The following CHD2 variants were observed in gnomAD, a reference collection of about 807,000 sequenced individuals.
CHD2 encodes the protein ATP-dependent chromatin remodeler CHD2.
Under a neutral mutation model 243.9 loss-of-function variants are expected in CHD2, and 28 were observed. That is an observed-to-expected ratio of 0.11 (90% confidence interval 0.09 to 0.16). The LOEUF (loss-of-function observed/expected upper bound fraction) is 0.16, where lower values mean the gene tolerates loss of function less well. CHD2 is among the 10% of genes least tolerant of loss of function. The probability of loss-of-function intolerance (pLI) is 1.00; values close to 1 mark genes in which losing one functional copy is unlikely to be tolerated. For missense variants in CHD2, 1,386 were observed against 2,209.8 expected, an observed-to-expected ratio of 0.63 and a Z score of 7.47; for synonymous variants, 775 against 779.0, an observed-to-expected ratio of 0.99 and a Z score of 0.09.
chr15:92,938,189 T>C (rs1175564570), intron 6 of CHD2, among the ~76,000 whole-genome samples: 1 of 152,152 alleles, frequency 6.6e-6, no homozygotes, highest in African/African-American at 2.4e-5. Flanking sequence ...CACCACCTAT[T>C]TTCATATGGC....
intron 2 of CHD2, among the ~76,000 whole-genome samples, chr15:92,910,473 AC>A (rs1432287492): frequency 6.6e-6 from 1 of 151,742 alleles, no homozygotes; most frequent in East Asian, 1.9e-4. Context: ...GCTCATTGCA[AC>A]CTCCGCCTCC....
intron 2 of CHD2, among the ~76,000 whole-genome samples, chr15:92,914,124 A>C (rs958902034): frequency 6.6e-6 from 1 of 152,230 alleles, no homozygotes. Context: ...AACTAAAGAC[A>C]AGACTCACAG....
At chr15:92,901,738 G>GT (rs1340189294) in intron 2 of CHD2, 4 of 291,874 alleles carry the variant, frequency 1.4e-5, no homozygotes, top group African/African-American at 8.6e-5. Flanking sequence ...GAGAAGCCTT[G>GT]TAGTAGTAAA....
chr15:92,913,461 T>C (rs545748950), intron 2 of CHD2, among the ~76,000 whole-genome samples: 1 of 152,310 alleles, frequency 6.6e-6, no homozygotes, highest in East Asian at 1.9e-4. Context: ...GGGGTGTTAC[T>C]GGCCTCTAGT....
intron 16 of CHD2, among the ~76,000 whole-genome samples, chr15:92,962,056 AT>A (rs2053697534): frequency 6.6e-6 from 1 of 150,978 alleles, no homozygotes; most frequent in South Asian, 2.1e-4. Context: ...TAATTTTTGT[AT>A]TTTTAGTAGA....
intron 17 of CHD2, among the ~76,000 whole-genome samples, chr15:92,969,774 C>T (rs1363349953): frequency 6.6e-6 from 1 of 151,846 alleles, no homozygotes; most frequent in South Asian, 2.1e-4. Flanking sequence ...CTAATACTAC[C>T]ACCAACAATA....
chr15:92,927,020 A>G (rs1365266368), intron 3 of CHD2, among the ~76,000 whole-genome samples: 1 of 152,144 alleles, frequency 6.6e-6, no homozygotes, highest in Non-Finnish European at 1.5e-5. Flanking sequence ...GGTGTACCAT[A>G]TAGATTTATA....
intron 13 of CHD2, among the ~76,000 whole-genome samples, chr15:92,950,185 T>C (rs910168825): frequency 5.9e-5 from 9 of 152,240 alleles, no homozygotes; most frequent in African/African-American, 2.2e-4. Flanking sequence ...AGAATGTACT[T>C]ATTCCCTTAC....
intron 26 of CHD2, 43 bp from the exon 27 acceptor site, chr15:92,991,432 TA>T: frequency 7.0e-7 from 1 of 1,427,500 alleles, no homozygotes; most frequent in Non-Finnish European, 9.8e-7. Flanking sequence ...ATAACTAAAG[TA>T]AGTCTCTGTT....
chr15:93,007,913 C>T (rs2054341938), intron 34 of CHD2, among the ~76,000 whole-genome samples: 1 of 152,036 alleles, frequency 6.6e-6, no homozygotes, highest in South Asian at 2.1e-4. Flanking sequence ...CTTTGCTTTC[C>T]ATTGTTCACG....
At chr15:92,968,827 G>C (rs2053801830) in intron 17 of CHD2, among the ~76,000 whole-genome samples, 1 of 152,136 alleles carries the variant, frequency 6.6e-6, no homozygotes, top group Admixed American at 6.6e-5. Flanking sequence ...CCATATTCAT[G>C]CTCTAACAGT....
intron 14 of CHD2, among the ~76,000 whole-genome samples, chr15:92,954,776 A>G (rs1230448733): frequency 6.6e-6 from 1 of 152,198 alleles, no homozygotes; most frequent in Non-Finnish European, 1.5e-5. Flanking sequence ...GGGGGCGATC[A>G]CCTGCAGGCA....
chr15:93,012,034 A>T (rs1022770468), intron 35 of CHD2, among the ~76,000 whole-genome samples: 1 of 152,196 alleles, frequency 6.6e-6, no homozygotes, highest in Non-Finnish European at 1.5e-5. Context: ...TTTTGGCAGA[A>T]CCATGTAAAG....
At chr15:92,996,142 T>C (rs2054184192) in intron 28 of CHD2, among the ~76,000 whole-genome samples, 1 of 149,712 alleles carries the variant, frequency 6.7e-6, no homozygotes, top group Admixed American at 6.7e-5. Flanking sequence ...AATTTGAAAT[T>C]TGGGTTAGGG....
Position 92,971,162 on chromosome 15 carries a change from C to T in CHD2, c.2190-603C>T, listed in dbSNP as rs2053835738. On this transcript the variant is annotated intron_variant, in intron 17 of 38. Coordinates refer to ENST00000394196, the MANE Select transcript of CHD2 (RefSeq NM_001271.4). Reference sequence around the variant, plus strand: ...CAGTCATTTTCCATTCACACATGCACACACAGGTTGAGTCTCTTATCAAAA... The same window carrying T: ...CAGTCATTTTCCATTCACACATGCATACACAGGTTGAGTCTCTTATCAAAA... Among the ~76,000 whole-genome samples, 3 of 152,180 alleles carry T rather than the reference C, an allele frequency of 2.0e-5. No homozygotes were observed. In the South Asian group the frequency reaches 6.2e-4, roughly 31 times the overall value.
rs761991634 is a variant in CHD2 at position 93,020,168 on chromosome 15, G to A, written c.5063G>A (p.Ser1688Asn). The part of the protein sequence containing the change: ...RRHMDAHRSG[S>N]YRPNNMSRKR... ...CATATGGATGCCCACCGTTCCGGAA[G>A]CTATCGACCCAACAACATGTCCAGA... The change falls in exon 38 of 39, where the codon AGC becomes AAC. Residue 1688 changes from serine (S) to asparagine (N), a missense_variant. By Grantham distance (46) the Ser-to-Asn change is conservative (BLOSUM62 1). Around this residue, in one of 19 missense-constraint regions of CHD2, gnomAD observed 347 missense variants for 341.6 expected, o/e 1.02. Transcript: ENST00000394196. 1.4e-5 allele frequency: 23 copies of A among 1,614,102 alleles called. No individual in the cohort carries two copies. The Admixed American group carries it at 3.3e-4, about 23-fold the overall frequency.
chr15:92,932,725 T>C (rs2053194458), intron 5 of CHD2, among the ~76,000 whole-genome samples: 1 of 152,080 alleles, frequency 6.6e-6, no homozygotes, highest in African/African-American at 2.4e-5. Context: ...TTTGCAGAAT[T>C]ACGAAGAGAC....
rs2054119012 is a variant in CHD2 at position 92,991,465 on chromosome 15, C to G, written c.3414-11C>G. ...TGTTTTTTTAATATGTTTTATTGATCCTATTCTTAGGTTCATCAAGGCTTA... is the reference window on the plus strand; with the variant it reads ...TGTTTTTTTAATATGTTTTATTGATGCTATTCTTAGGTTCATCAAGGCTTA... On this transcript the variant is annotated splice_polypyrimidine_tract_variant and intron_variant, in intron 26 of 38. Coordinates refer to ENST00000394196, the MANE Select transcript of CHD2 (RefSeq NM_001271.4). 2 of 1,594,518 alleles carry G rather than the reference C, an allele frequency of 1.3e-6. No individual in the cohort carries two copies. The highest frequency in any genetic ancestry group is 1.7e-6 in the Non-Finnish European group (2 of 1,165,800).
chr15:93,023,833 A>C (rs1023800548), intron 38 of CHD2, among the ~76,000 whole-genome samples: 1 of 151,962 alleles, frequency 6.6e-6, no homozygotes, highest in Non-Finnish European at 1.5e-5. Context: ...TGTCTGTTCA[A>C]ATCCTTTGCC....
Sources: allele counts gnomAD v4.1 joint callset (sites outside exome capture counted in the v4.1 genomes callset), GRCh38; gene constraint gnomAD v4.1.1; regional missense constraint gnomAD v4.1.1; transcripts MANE v1.5; gene names NCBI Gene and HGNC (gene_info 2026-07-23, HGNC 2026-07-21).